Variants in TFAP2D observed in about 807,000 individuals in gnomAD.
TFAP2D encodes transcription factor AP-2-delta.
TFAP2D carries 9 observed loss-of-function variants against 43.6 expected under a neutral mutation model. The ratio of observed to expected loss-of-function variants is 0.21; its 90% CI spans 0.12 to 0.36. The LOEUF is 0.36. TFAP2D is among the 10% of genes least tolerant of loss of function. The pLI is 1.00. For missense variants in TFAP2D, 513 were observed against 561.4 expected (o/e 0.91, Z 0.87); for synonymous variants, 256 against 224.9 (o/e 1.14, Z -1.24).
intron 5 of TFAP2D, among the ~76,000 whole-genome samples, chr6:50,735,221 G>T (rs2114042445): frequency 6.6e-6 from 1 of 152,220 alleles, no homozygotes; most frequent in East Asian, 1.9e-4. Context: ...GGTGCAGCAA[G>T]GATGAGAACC....
At chr6:50,753,909 GGAT>G (rs1769231064) in intron 7 of TFAP2D, among the ~76,000 whole-genome samples, 2 of 151,742 alleles carry the variant, frequency 1.3e-5, no homozygotes, top group Non-Finnish European at 2.9e-5. Context: ...AAAAGTAGTA[GGAT>G]GATACAAATC....
rs777864174 is a variant in TFAP2D at position 50,729,179 on chromosome 6, T to A, written c.765-15T>A. On this transcript the variant is annotated splice_polypyrimidine_tract_variant and intron_variant, in intron 4 of 7. Coordinates refer to ENST00000008391, the MANE Select transcript of TFAP2D (RefSeq NM_172238.4). ...GTGAAATTTCAAAACCTAGTTTTTG[T>A]TTGTTTTTGTACAGAGCAAAATCAA... 1.9e-6 allele frequency: 3 copies of A among 1,610,668 alleles called. No homozygotes were observed. The South Asian group carries it at 3.3e-5, about 18-fold the overall frequency.
chr6:50,748,601 T>G (rs187687414), intron 6 of TFAP2D, among the ~76,000 whole-genome samples: 1 of 152,054 alleles, frequency 6.6e-6, no homozygotes, highest in African/African-American at 2.4e-5. Context: ...GTTTTGTTGA[T>G]TAAATATTTT....
In TFAP2D at chr6:50,728,636, G is replaced by A. The variant is rs539432866; in HGVS notation, c.599-220G>A. Among the ~76,000 whole-genome samples the A allele has an allele frequency of 3.9e-5, 6 of 152,256 alleles. No homozygotes were observed. In the South Asian group the frequency reaches 1.0e-3, roughly 26 times the overall value. ...TAGGATGCCAATGTTTCTAACAATT[G>A]TACACTCACAGACATTTTCACAAAC... is the stretch of plus-strand genomic sequence containing the variant. On this transcript the variant is annotated intron_variant, in intron 3 of 7. Coordinates refer to ENST00000008391, the MANE Select transcript of TFAP2D (RefSeq NM_172238.4).
chr6:50,742,631 TG>T (rs1769066114), intron 5 of TFAP2D, among the ~76,000 whole-genome samples: 1 of 142,378 alleles, frequency 7.0e-6, no homozygotes, highest in African/African-American at 2.6e-5. Flanking sequence ...GATAGATAGA[TG>T]ATAGATAGAT....
At chr6:50,756,173 C>A (rs907115727) in intron 7 of TFAP2D, among the ~76,000 whole-genome samples, 3 of 151,822 alleles carry the variant, frequency 2.0e-5, no homozygotes, top group African/African-American at 7.3e-5. Context: ...CGAGTGTGTC[C>A]CTTTTAAAAT....
chr6:50,715,325 G>C lies in TFAP2D; in HGVS notation c.249G>C (p.Pro83=). The change falls in exon 2 of 8, where the codon CCG becomes CCC. Residue 83 remains proline (P), a synonymous_variant. Coordinates refer to ENST00000008391, the MANE Select transcript of TFAP2D (RefSeq NM_172238.4). ...ATTACGAGTTTCAGCACAGCCACCC[G>C]GCCGTCACCCCCGACGCCTACTCTC... ...SFHYEFQHSH[P]AVTPDAYSLN... The C allele has an allele frequency of 6.2e-7, 1 of 1,613,980 alleles. No individual in the cohort carries two copies. Among genetic ancestry groups the C allele is most frequent in the Non-Finnish European group, 8.5e-7 (1 of 1,179,982 alleles).
chr6:50,751,439 CT>C, intron 7 of TFAP2D, 115 bp downstream of exon 7: 1 of 683,594 alleles, frequency 1.5e-6, no homozygotes, highest in Non-Finnish European at 2.6e-6. Flanking sequence ...TGTCCTAGTC[CT>C]TTCAGATGGG....
intron 3 of TFAP2D, among the ~76,000 whole-genome samples, chr6:50,720,335 G>A (rs1768697875): frequency 6.6e-6 from 1 of 152,108 alleles, no homozygotes; most frequent in African/African-American, 2.4e-5. Flanking sequence ...ACATCCCAAT[G>A]TCCAATGTAA....
chr6:50,725,607 T>C (rs2114035067), intron 3 of TFAP2D, among the ~76,000 whole-genome samples: 1 of 152,328 alleles, frequency 6.6e-6, no homozygotes, highest in South Asian at 2.1e-4. Flanking sequence ...GAAGTTCAAG[T>C]AGTAACACTG....
chr6:50,765,705 GTTAT>G (rs916725234), intron 7 of TFAP2D, among the ~76,000 whole-genome samples: 1 of 151,182 alleles, frequency 6.6e-6, no homozygotes. Flanking sequence ...TTAATATCAG[GTTAT>G]TTGTTTTTTT....
intron 7 of TFAP2D, among the ~76,000 whole-genome samples, chr6:50,768,866 T>G (rs1286361185): frequency 1.3e-5 from 2 of 151,816 alleles, no homozygotes; most frequent in Admixed American, 1.3e-4. Context: ...TTGAATATCC[T>G]TCAATTGATT....
At chr6:50,723,978 T>G (rs531199756) in intron 3 of TFAP2D, among the ~76,000 whole-genome samples, 1 of 152,146 alleles carries the variant, frequency 6.6e-6, no homozygotes, top group Non-Finnish European at 1.5e-5. Flanking sequence ...CAGCTATACC[T>G]GTAATGTTAT....
intron 5 of TFAP2D, among the ~76,000 whole-genome samples, chr6:50,730,629 T>C (rs1421260744): frequency 2.0e-5 from 3 of 152,084 alleles, no homozygotes; most frequent in Non-Finnish European, 2.9e-5. Flanking sequence ...AAACAGTTGC[T>C]CAGGATAATA....
At chr6:50,739,966 A>C (rs1245080730) in intron 5 of TFAP2D, among the ~76,000 whole-genome samples, 1 of 152,186 alleles carries the variant, frequency 6.6e-6, no homozygotes, top group Non-Finnish European at 1.5e-5. Flanking sequence ...TGATGTATAG[A>C]GCTGTAGAAT....
rs183654716 is a variant in TFAP2D at position 50,714,941 on chromosome 6, G to A, written c.40-175G>A. On this transcript the variant is annotated intron_variant, in intron 1 of 7. Transcript: ENST00000008391. ...CCGCCCACCCCCAGTTCGCCTGTTT[G>A]CAAAGGCTCTCTGGTGAAGACGCTG... Among the ~76,000 whole-genome samples the A allele has an allele frequency of 1.3e-4, 20 of 152,212 alleles. 1 individual carries two copies. The East Asian group carries it at 3.9e-3, about 30-fold the overall frequency.
chr6:50,762,456 C>T (rs913374176), intron 7 of TFAP2D, among the ~76,000 whole-genome samples: 3 of 151,938 alleles, frequency 2.0e-5, no homozygotes, highest in African/African-American at 7.2e-5. Flanking sequence ...TGGTATTCTT[C>T]AAATCATTGA....
At chr6:50,732,287 T>C (rs1053030170) in intron 5 of TFAP2D, among the ~76,000 whole-genome samples, 4 of 152,222 alleles carry the variant, frequency 2.6e-5, no homozygotes, top group Admixed American at 6.5e-5. Context: ...ATTTTCTATA[T>C]TAACTTATAT....
intron 2 of TFAP2D, among the ~76,000 whole-genome samples, chr6:50,718,488 CAA>C (rs1768662761): frequency 6.6e-6 from 1 of 152,128 alleles, no homozygotes; most frequent in Non-Finnish European, 1.5e-5. Context: ...CAAAAATCAG[CAA>C]ACTCTTTCCA....
Sources: gnomAD v4.1 joint callset for allele counts (sites outside exome capture counted in the v4.1 genomes callset) on GRCh38, gnomAD v4.1.1 for gene constraint, MANE v1.5 for transcripts, NCBI Gene and HGNC (gene_info 2026-07-23, HGNC 2026-07-21) for gene names.